Variants in FOXN3 observed in about 807,000 individuals in gnomAD.
FOXN3 encodes forkhead box protein N3.
Under a neutral mutation model 38.4 loss-of-function variants are expected in FOXN3, and 7 were observed. That is an observed-to-expected ratio of 0.18 (90% CI 0.10 to 0.34). The LOEUF is 0.34. Among genes scored for constraint, FOXN3 ranks in the 10% least tolerant of loss-of-function variants. The pLI is 1.00. For missense variants in FOXN3, 456 were observed against 613.4 expected, an observed-to-expected ratio of 0.74 and a Z score of 2.71; for synonymous variants, 230 against 242.2, an observed-to-expected ratio of 0.95 and a Z score of 0.47.
At chr14:89,288,726 A>C (rs4080139) in intron 3 of FOXN3, among the ~76,000 whole-genome samples, 34 of 27,280 alleles carry the variant, frequency 1.2e-3, no homozygotes, top group African/African-American at 4.7e-3. Context: ...CTCTCTCTCT[A>C]TATATATATA....
chr14:89,564,139 G>C (rs1895302016), intron 1 of FOXN3, among the ~76,000 whole-genome samples: 1 of 152,128 alleles, frequency 6.6e-6, no homozygotes. Context: ...ACAGGCATGA[G>C]CCACCGTGCC....
intron 1 of FOXN3, among the ~76,000 whole-genome samples, chr14:89,559,504 C>T (rs1478727958): frequency 6.7e-6 from 1 of 149,358 alleles, no homozygotes; most frequent in African/African-American, 2.6e-5. Flanking sequence ...GGTGAAACCC[C>T]ATCTCTACTC....
intron 2 of FOXN3, chr14:89,356,518 G>A (rs1346131312): frequency 6.6e-6 from 1 of 152,156 alleles, no homozygotes; most frequent in Admixed American, 6.5e-5. Context: ...TAAGACAATT[G>A]TAACCCTGTA....
intron 1 of FOXN3, among the ~76,000 whole-genome samples, chr14:89,459,506 TG>T (rs1892794645): frequency 6.6e-6 from 1 of 152,164 alleles, no homozygotes; most frequent in African/African-American, 2.4e-5. Context: ...TTATAGGACT[TG>T]ATCTAGAGCC....
intron 4 of FOXN3, among the ~76,000 whole-genome samples, chr14:89,187,956 C>T (rs1887851136): frequency 6.6e-6 from 1 of 152,214 alleles, no homozygotes; most frequent in Non-Finnish European, 1.5e-5. Context: ...AGACTCCCTA[C>T]TTTCTGCCCA....
intron 2 of FOXN3, among the ~76,000 whole-genome samples, chr14:89,403,491 C>T (rs1249900401): frequency 1.3e-5 from 2 of 152,330 alleles, no homozygotes; most frequent in African/African-American, 2.4e-5. Flanking sequence ...TGAGCCACCA[C>T]GCCCAGCCTA....
At chr14:89,207,943 G>A (rs933773881) in intron 4 of FOXN3, among the ~76,000 whole-genome samples, 1 of 152,018 alleles carries the variant, frequency 6.6e-6, no homozygotes, top group African/African-American at 2.4e-5. Context: ...CTTAAACAGC[G>A]TGAGAAGCAC....
rs1289463533 is a variant in FOXN3, at chr14:89,297,359, G to A, written c.681-16345C>T. ...GGGCGGATCACAAGGTCAGGAGATC[G>A]AGACCATCCTGGCTAACACGGTGAA... On this transcript the variant is annotated intron_variant, in intron 3 of 5. Coordinates refer to ENST00000557258, the MANE Select transcript of FOXN3 (RefSeq NM_005197.4). 2.0e-5 allele frequency among the ~76,000 whole-genome samples: 3 copies of A among 151,846 alleles called. No individual in the cohort carries two copies. The South Asian group carries it at 6.3e-4, about 32-fold the overall frequency.
intron 5 of FOXN3, among the ~76,000 whole-genome samples, chr14:89,174,191 A>C (rs1296810479): frequency 6.6e-6 from 1 of 152,182 alleles, no homozygotes; most frequent in Non-Finnish European, 1.5e-5. Flanking sequence ...TTAACTTGTT[A>C]ATTTACAGCT....
At chr14:89,542,427 C>A (rs1161257378) in intron 1 of FOXN3, among the ~76,000 whole-genome samples, 2 of 152,120 alleles carry the variant, frequency 1.3e-5, no homozygotes, top group African/African-American at 4.8e-5. Context: ...TTTTCCTAGC[C>A]CTTGCTCAAA....
At chr14:89,203,454 AGT>A (rs529414596) in intron 4 of FOXN3, among the ~76,000 whole-genome samples, 91 of 152,322 alleles carry the variant, frequency 6.0e-4, no homozygotes, top group African/African-American at 2.1e-3. Flanking sequence ...CAAGCCTCAT[AGT>A]GCCCTGTGTC....
In FOXN3 at chr14:89,412,883, G is replaced by A. The variant is rs1369678020; in HGVS notation, c.-14-393C>T. On this transcript the variant is annotated intron_variant, in intron 1 of 5. Coordinates refer to ENST00000557258, the MANE Select transcript of FOXN3 (RefSeq NM_005197.4). This position sits in a 1 kb window ranked among gnomAD's most constrained non-coding sequence, Gnocchi z 4.7. ...GTGAATTATTTTTTCTTCCAGAACAGAAGAAAAGCAAGTAACTTCAGGTAC... is the reference window on the plus strand; with the variant it reads ...GTGAATTATTTTTTCTTCCAGAACAAAAGAAAAGCAAGTAACTTCAGGTAC... Among the ~76,000 whole-genome samples, 1 of 152,142 alleles carries A rather than the reference G, an allele frequency of 6.6e-6. No homozygotes were observed. Among genetic ancestry groups the A allele is most frequent in the Non-Finnish European group, 1.5e-5 (1 of 68,032 alleles).
intron 2 of FOXN3, among the ~76,000 whole-genome samples, chr14:89,385,496 A>AT (rs1890767160): frequency 1.7e-5 from 2 of 115,450 alleles, no homozygotes; most frequent in Non-Finnish European, 3.6e-5. Context: ...TGAGGCAAAC[A>AT]TTTAAAAAAA....
At chr14:89,463,870 T>C (rs1357308997) in intron 1 of FOXN3, among the ~76,000 whole-genome samples, 1 of 151,164 alleles carries the variant, frequency 6.6e-6, no homozygotes, top group Non-Finnish European at 1.5e-5. Context: ...CTGCAACCTC[T>C]GCCTCCCAGG....
chr14:89,574,544 C>T (rs1043042944), intron 1 of FOXN3, among the ~76,000 whole-genome samples: 3 of 152,240 alleles, frequency 2.0e-5, no homozygotes, highest in Admixed American at 2.0e-4. Flanking sequence ...GAGCTTGGTG[C>T]CAGTCCCAGC....
intron 2 of FOXN3, among the ~76,000 whole-genome samples, chr14:89,380,723 C>T (rs181661069): frequency 2.1e-3 from 317 of 152,348 alleles, no homozygotes; most frequent in African/African-American, 6.2e-3. Context: ...CTGTCAGCCT[C>T]ACAGACCATG....
chr14:89,197,431 T>G (rs907066605), intron 4 of FOXN3, among the ~76,000 whole-genome samples: 22 of 151,474 alleles, frequency 1.5e-4, no homozygotes, highest in Non-Finnish European at 2.2e-4. Context: ...TGCTTGAACC[T>G]GAAGGCAGAG....
In FOXN3 at chr14:89,391,373, C is replaced by A. The variant is rs141878186; in HGVS notation, c.543+20561G>T. On this transcript the variant is annotated intron_variant, in intron 2 of 5. Coordinates refer to ENST00000557258, the MANE Select transcript of FOXN3 (RefSeq NM_005197.4). ...GTCATCGTGAACAAAGCAGCCAGTA[C>A]GTTCATATTTCCAAAGACAGGCATC... 1.8e-3 allele frequency among the ~76,000 whole-genome samples: 272 copies of A among 152,266 alleles called. 1 individual carries two copies. The highest frequency in any genetic ancestry group is 6.3e-3 in the African/African-American group (261 of 41,532).
chr14:89,322,113 C>T (rs1028090805), intron 3 of FOXN3, among the ~76,000 whole-genome samples: 1 of 152,242 alleles, frequency 6.6e-6, no homozygotes, highest in Non-Finnish European at 1.5e-5. Context: ...GGCTTGCTGC[C>T]GTTGCTCACT....
Sources: allele counts gnomAD v4.1 joint callset (sites outside exome capture counted in the v4.1 genomes callset), GRCh38; gene constraint gnomAD v4.1.1; non-coding constraint Gnocchi (gnomAD v3.1); transcripts MANE v1.5; gene names NCBI Gene and HGNC (gene_info 2026-07-23, HGNC 2026-07-21).